The following DYRK1A variants were observed in gnomAD, a reference collection of about 807,000 sequenced individuals.
DYRK1A encodes the protein dual specificity tyrosine phosphorylation regulated kinase 1A, also known as dual specificity tyrosine-phosphorylation-regulated kinase 1A.
In DYRK1A, 9 loss-of-function variants were observed where a neutral mutation model predicts 79.7. That is an observed-to-expected ratio of 0.11 (90% CI 0.07 to 0.20). The LOEUF (loss-of-function observed/expected upper bound fraction) is 0.20, where lower values mean the gene tolerates loss of function less well. Ranked by LOEUF, DYRK1A falls within the 10% of genes least tolerant of loss-of-function variation. DYRK1A has a pLI of 1.00. For missense variants in DYRK1A, 622 were observed against 956.0 expected (o/e 0.65, Z 4.61); for synonymous variants, 349 against 329.7 (o/e 1.06, Z -0.63).
At chr21:37,426,043 C>G (rs906097446) in intron 2 of DYRK1A, among the ~76,000 whole-genome samples, 2 of 152,128 alleles carry the variant, frequency 1.3e-5, no homozygotes, top group Admixed American at 6.5e-5. Flanking sequence ...ACTCTCAAAA[C>G]CAGTTTAAGC....
chr21:37,367,678 C>G (rs1356244132), intron 1 of DYRK1A, 50 bp downstream of exon 1: 1 of 145,422 alleles, frequency 6.9e-6, no homozygotes, highest in Non-Finnish European at 1.5e-5. Context: ...GCTCGGCTCC[C>G]CCGGCGGCCC....
At chr21:37,469,090 A>C (rs934955985) in intron 2 of DYRK1A, among the ~76,000 whole-genome samples, 3 of 152,238 alleles carry the variant, frequency 2.0e-5, no homozygotes, top group African/African-American at 7.2e-5. Context: ...GGAAAATGCA[A>C]ATTAAAAACC....
At position 37,512,726 on chromosome 21, in the gene DYRK1A, A is replaced by G; in HGVS notation, c.*195A>G. ...GAAGTGTTTAAAAGAGCCATGTCCA[A>G]ACCCATCTTCATGGATAGCTCAGAG... On this transcript the variant is annotated 3_prime_UTR_variant, in exon 12 of 12. Transcript: ENST00000647188. 3.1e-6 allele frequency: 2 copies of G among 640,026 alleles called. No individual in the cohort carries two copies. Among genetic ancestry groups the G allele is most frequent in the South Asian group, 4.2e-5 (2 of 47,470 alleles). 39.6% of individuals were successfully genotyped at this position (640,026 alleles called of 1,614,324 possible). A position where few individuals can be genotyped will look rare whatever the true frequency, so the allele number is the denominator to read the frequency against.
intron 1 of DYRK1A, among the ~76,000 whole-genome samples, chr21:37,381,671 C>G (rs1039607081): frequency 1.8e-4 from 27 of 152,160 alleles, no homozygotes; most frequent in Admixed American, 1.6e-3. Flanking sequence ...GGTCCGCAGT[C>G]CAGCTACTCG....
At chr21:37,500,516 G>GA (rs2053409828) in intron 9 of DYRK1A, among the ~76,000 whole-genome samples, 1 of 152,040 alleles carries the variant, frequency 6.6e-6, no homozygotes, top group Admixed American at 6.6e-5. Context: ...TTGATTTTCT[G>GA]AAAAAATTTG....
Position 37,513,310 on chromosome 21 carries a change from G to A in DYRK1A, c.*779G>A, listed in dbSNP as rs950665468. On this transcript the variant is annotated 3_prime_UTR_variant, in exon 12 of 12. Coordinates refer to ENST00000647188, the MANE Select transcript of DYRK1A (RefSeq NM_001347721.2). ...TGCACTGAGAAGCAATCAACGGGTC[G>A]GTCGTGGCCAGTCCTGGGGAGGTCT... 2 of 152,744 alleles carry A rather than the reference G, an allele frequency of 1.3e-5. No individual in the cohort carries two copies. Among genetic ancestry groups the A allele is most frequent in the East Asian group, 1.9e-4 (1 of 5,198 alleles). The allele number at this position is 152,744 out of a possible 1,614,324, so 9.5% of individuals were successfully genotyped here.
intron 1 of DYRK1A, among the ~76,000 whole-genome samples, chr21:37,388,530 A>G (rs143489048): frequency 2.0e-4 from 31 of 152,362 alleles, no homozygotes; most frequent in African/African-American, 6.0e-4. Context: ...TCCAGTATCC[A>G]GTAAGAATTC....
intron 1 of DYRK1A, among the ~76,000 whole-genome samples, chr21:37,383,613 T>G (rs1044207913): frequency 6.6e-6 from 1 of 152,228 alleles, no homozygotes; most frequent in African/African-American, 2.4e-5. Context: ...GAAACCTGTT[T>G]ATTGATTTAA....
At chr21:37,429,912 T>C (rs2050730979) in intron 2 of DYRK1A, among the ~76,000 whole-genome samples, 1 of 152,238 alleles carries the variant, frequency 6.6e-6, no homozygotes, top group Non-Finnish European at 1.5e-5. Flanking sequence ...GCCTCCATGA[T>C]TTTTAATACA....
Position 37,519,947 on chromosome 21 carries a change from A to G in DYRK1A, c.*7416A>G, listed in dbSNP as rs11701836. ...TTTTTAGTAGAGATGGGGTTTCACC[A>G]TGTTAGGCAGGATGGTCTCAGTCTC... is the stretch of plus-strand genomic sequence containing the variant. On this transcript the variant is annotated 3_prime_UTR_variant, in exon 12 of 12. Transcript: ENST00000647188. 0.29 allele frequency: 44,115 copies of G among 151,808 alleles called. 6,566 individuals are homozygous for G. Among genetic ancestry groups the G allele is most frequent in the South Asian group, 0.39 (1,863 of 4,806 alleles). The allele number at this position is 151,808 out of a possible 1,614,324, so 9.4% of individuals were successfully genotyped here.
intron 9 of DYRK1A, chr21:37,504,256 T>A (rs1311966768): frequency 6.6e-6 from 1 of 152,482 alleles, no homozygotes; most frequent in African/African-American, 2.4e-5. Context: ...GCCCCACTCC[T>A]AACTCTCTGT....
In DYRK1A at chr21:37,519,736, G is replaced by GTGTTTTTTT. The variant is rs1329924530; in HGVS notation, c.*7206_*7207insGTTTTTTTT. The GTGTTTTTTT allele has an allele frequency of 1.0e-4, 9 of 85,802 alleles. No homozygotes were observed. The highest frequency in any genetic ancestry group is 4.4e-4 in the African/African-American group (9 of 20,614). The allele number at this position is 85,802 out of a possible 1,614,324, so 5.3% of individuals were successfully genotyped here. A position where few individuals can be genotyped will look rare whatever the true frequency, so the allele number is the denominator to read the frequency against. ...AGAGTTTTGAGGTTTGTTGTGGGAA[G>GTGTTTTTTT]TTTTTTTTTTTTTTTTTTTTTTTGA... On this transcript the variant is annotated 3_prime_UTR_variant, in exon 12 of 12. Transcript: ENST00000647188.
intron 1 of DYRK1A, among the ~76,000 whole-genome samples, chr21:37,417,554 TACAAATCTTGGTGTATCAGTG>T (rs2050380749): frequency 1.5e-5 from 2 of 132,870 alleles, no homozygotes; most frequent in Non-Finnish European, 3.3e-5. Flanking sequence ...TTTTTTTTTT[TACAAATCTTGGTGTATCAGTG>T]CTTTTTATTA....
At chr21:37,442,152 T>C (rs1460691739) in intron 2 of DYRK1A, among the ~76,000 whole-genome samples, 1 of 152,106 alleles carries the variant, frequency 6.6e-6, no homozygotes, top group Non-Finnish European at 1.5e-5. Context: ...CTGTTTATCA[T>C]TGGTTTTTAG....
At chr21:37,403,249 T>G (rs564459493) in intron 1 of DYRK1A, among the ~76,000 whole-genome samples, 1 of 152,298 alleles carries the variant, frequency 6.6e-6, no homozygotes, top group Non-Finnish European at 1.5e-5. Context: ...ATCCCCTATC[T>G]GTTCACACAT....
intron 2 of DYRK1A, among the ~76,000 whole-genome samples, chr21:37,463,106 A>G (rs1046668589): frequency 5.3e-5 from 8 of 151,780 alleles, no homozygotes; most frequent in Non-Finnish European, 8.8e-5. Context: ...TATATGAGCA[A>G]TTTCATTGTG....
intron 11 of DYRK1A, among the ~76,000 whole-genome samples, chr21:37,511,316 T>C (rs959258080): frequency 6.6e-6 from 1 of 152,202 alleles, no homozygotes; most frequent in African/African-American, 2.4e-5. Flanking sequence ...TAAGAAAAGA[T>C]TGTTCCTGCT....
At position 37,520,067 on chromosome 21, in the gene DYRK1A, T is replaced by C. The variant is rs968171576; in HGVS notation, c.*7536T>C. The C allele has an allele frequency of 1.4e-4, 21 of 152,190 alleles. No individual in the cohort carries two copies. Among genetic ancestry groups the C allele is most frequent in the African/African-American group, 4.8e-4 (20 of 41,408 alleles). 9.4% of individuals were successfully genotyped at this position (152,190 alleles called of 1,614,324 possible). A position where few individuals can be genotyped will look rare whatever the true frequency, so the allele number is the denominator to read the frequency against. The stretch of plus-strand genomic sequence containing the variant: ...TAGTTTGCTTTGCCTTGATAAACTA[T>C]ATGATATTTAAATGTTTTATAAGGA... On this transcript the variant is annotated 3_prime_UTR_variant, in exon 12 of 12. Transcript: ENST00000647188.
intron 1 of DYRK1A, among the ~76,000 whole-genome samples, chr21:37,389,047 AAAT>A (rs1602385475): frequency 6.6e-6 from 1 of 151,104 alleles, no homozygotes; most frequent in South Asian, 2.1e-4. Flanking sequence ...TTAAAAAAAA[AAAT>A]TTTTTTTTTA....
Sources: allele counts gnomAD v4.1 joint callset (sites outside exome capture counted in the v4.1 genomes callset), GRCh38; gene constraint gnomAD v4.1.1; transcripts MANE v1.5; gene names NCBI Gene and HGNC (gene_info 2026-07-23, HGNC 2026-07-21).